Variants in LPCAT2 observed in about 807,000 individuals in gnomAD.
The protein encoded by LPCAT2 is 1-AGP acyltransferase 11.
Under a neutral mutation model 64.7 loss-of-function variants are expected in LPCAT2, and 58 were observed. The observed-to-expected ratio is 0.90, with a 90% CI of 0.73 to 1.12. The LOEUF is 1.12. Among genes scored for constraint, LPCAT2 ranks in the 50% most tolerant of loss-of-function variants. The pLI, the probability that LPCAT2 is intolerant of heterozygous loss-of-function variation, is 0.00. For synonymous variants in LPCAT2, 252 were observed against 245.3 expected (o/e 1.03, Z -0.26); for missense variants, 579 against 669.8 (o/e 0.86, Z 1.50).
At chr16:55,553,225 G>C (rs1247814673) in intron 11 of LPCAT2, among the ~76,000 whole-genome samples, 1 of 150,952 alleles carries the variant, frequency 6.6e-6, no homozygotes, top group Admixed American at 6.6e-5. Flanking sequence ...CAACAAGAGC[G>C]AAACTCCATC....
chr16:55,522,901 A>G (rs1360751605), intron 1 of LPCAT2, among the ~76,000 whole-genome samples: 6 of 151,714 alleles, frequency 4.0e-5, no homozygotes, highest in African/African-American at 1.4e-4. Context: ...CTTGAGGTAA[A>G]GATTTTTTCA....
At position 55,534,441 on chromosome 16, in the gene LPCAT2, A is replaced by G; in HGVS notation, c.763-2A>G. On this transcript the variant is annotated splice_acceptor_variant, in intron 6 of 13. Coordinates refer to ENST00000262134, the MANE Select transcript of LPCAT2 (RefSeq NM_017839.5). LOFTEE classifies it high-confidence loss of function. The stretch of plus-strand genomic sequence containing the variant: ...ACAGCTAAAATAATTTTGTTATTAT[A>G]GGATACTGTGACCTGGACATGGCAA... 6.5e-7 allele frequency: 1 copy of G among 1,528,106 alleles called. No homozygotes were observed. Among genetic ancestry groups the G allele is most frequent in the East Asian group, 2.3e-5 (1 of 43,152 alleles). 94.7% of individuals were successfully genotyped at this position (1,528,106 alleles called of 1,614,324 possible).
chr16:55,528,772 G>T, intron 3 of LPCAT2, among the ~76,000 whole-genome samples, 178 bp downstream of exon 3: 1 of 152,164 alleles, frequency 6.6e-6, no homozygotes, highest in South Asian at 2.1e-4. Flanking sequence ...AAAAAGATTA[G>T]AGACTTCCCT....
chr16:55,542,014 G>A (rs1963404144), intron 8 of LPCAT2: 1 of 1,121,516 alleles, frequency 8.9e-7, no homozygotes, highest in Admixed American at 3.2e-5. Context: ...ATAAAAGATT[G>A]ATTATAGTGT....
rs1596859026 is a variant in LPCAT2, at chr16:55,531,861, G to T, written c.643-53G>T. The T allele has an allele frequency of 1.9e-5, 22 of 1,135,282 alleles. No homozygotes were observed. In the East Asian group the frequency reaches 4.9e-4, roughly 26 times the overall value. The allele number at this position is 1,135,282 out of a possible 1,614,324, so 70.3% of individuals were successfully genotyped here. A position where few individuals can be genotyped will look rare whatever the true frequency, so the allele number is the denominator to read the frequency against. On this transcript the variant is annotated intron_variant, in intron 4 of 13. Transcript: ENST00000262134. ...GTGAAGTCATAAGAAAGCGAGTAAA[G>T]AGGTAATTTATTAATTAGATTGAAA...
At chr16:55,531,811 G>T in intron 4 of LPCAT2, 103 bp from the exon 5 acceptor site, 2 of 729,592 alleles carry the variant, frequency 2.7e-6, no homozygotes, top group Admixed American at 2.3e-5. Context: ...TTTTGTTTTT[G>T]TTTTTTAAGC....
intron 8 of LPCAT2, among the ~76,000 whole-genome samples, chr16:55,543,253 A>G (rs1302153706): frequency 6.6e-6 from 1 of 152,190 alleles, no homozygotes; most frequent in African/African-American, 2.4e-5. Context: ...ATTCCTTAAG[A>G]ATAAGATGTC....
chr16:55,551,124 C>A, intron 11 of LPCAT2, 22 bp downstream of exon 11: 1 of 1,594,640 alleles, frequency 6.3e-7, no homozygotes, highest in Non-Finnish European at 8.6e-7. Flanking sequence ...TTTAATCTTT[C>A]ACATTTTTAC....
At chr16:55,534,983 A>G (rs139367011) in intron 7 of LPCAT2, among the ~76,000 whole-genome samples, 12 of 152,322 alleles carry the variant, frequency 7.9e-5, no homozygotes, top group Non-Finnish European at 1.8e-4. Context: ...AGCAGTTTCT[A>G]TAAGCACTTT....
intron 11 of LPCAT2, among the ~76,000 whole-genome samples, chr16:55,557,703 C>T (rs1963592977): frequency 6.6e-6 from 1 of 152,038 alleles, no homozygotes; most frequent in South Asian, 2.1e-4. Flanking sequence ...CTTATCTTTC[C>T]TCAAGTCTAG....
chr16:55,566,648 C>T, intron 11 of LPCAT2: 1 of 1,155,040 alleles, frequency 8.7e-7, no homozygotes, highest in Non-Finnish European at 1.2e-6. Context: ...GCAGTGTAAG[C>T]AGGTAAAGAA....
intron 11 of LPCAT2, chr16:55,567,119 T>A: frequency 1.9e-6 from 3 of 1,613,860 alleles, no homozygotes; most frequent in Non-Finnish European, 2.5e-6. Context: ...GTTTTAGTCT[T>A]GACACCTGCC....
intron 8 of LPCAT2, chr16:55,540,792 C>T: frequency 4.9e-6 from 1 of 202,864 alleles, no homozygotes; most frequent in South Asian, 1.1e-4. Flanking sequence ...CAAGAAATAC[C>T]AAACCCTATA....
Position 55,578,881 on chromosome 16 carries a change from T to C in LPCAT2, c.1315-228T>C, listed in dbSNP as rs112167757. The C allele has an allele frequency of 4.2e-3, 1,769 of 417,626 alleles. 33 individuals carry two copies. The highest frequency in any genetic ancestry group is 0.033 in the African/African-American group (1,621 of 48,934). The allele number at this position is 417,626 out of a possible 1,614,324, so 25.9% of individuals were successfully genotyped here. ...CATTATGTTCCCCATGGAGATCCCC[T>C]GTCCCTTTGTACTATGGACCATTGG... On this transcript the variant is annotated intron_variant, in intron 12 of 13. Coordinates refer to ENST00000262134, the MANE Select transcript of LPCAT2 (RefSeq NM_017839.5).
chr16:55,533,406 GTTTTTTTTTTTTT>G (rs11335464), intron 6 of LPCAT2, among the ~76,000 whole-genome samples: 1 of 96,444 alleles, frequency 1.0e-5, no homozygotes, highest in African/African-American at 4.1e-5. Flanking sequence ...TGTTTTTCGG[GTTTTTTTTTTTTT>G]TTTTTTTTTG....
Position 55,557,672 on chromosome 16 carries a change from C to T in LPCAT2, c.1215+6570C>T, listed in dbSNP as rs535812421. ...TTCCCTTCCCACTTTATCCTCCTTTCCCCCTTTCTTCTTTTCTTTTCTTAT... is the reference window on the plus strand; with the variant it reads ...TTCCCTTCCCACTTTATCCTCCTTTTCCCCTTTCTTCTTTTCTTTTCTTAT... On this transcript the variant is annotated intron_variant, in intron 11 of 13. Transcript: ENST00000262134. 3.3e-5 allele frequency among the ~76,000 whole-genome samples: 5 copies of T among 152,250 alleles called. No individual in the cohort carries two copies. The South Asian group carries it at 8.3e-4, about 25-fold the overall frequency.
chr16:55,534,359 T>C, intron 6 of LPCAT2, 84 bp from the exon 7 acceptor site: 2 of 811,730 alleles, frequency 2.5e-6, no homozygotes, highest in Non-Finnish European at 2.1e-6. Context: ...AAAAAATACA[T>C]GAATCCCCAT....
At chr16:55,576,749 A>G (rs1963832042) in intron 12 of LPCAT2, among the ~76,000 whole-genome samples, 1 of 152,188 alleles carries the variant, frequency 6.6e-6, no homozygotes. Context: ...TGAGGTGTTA[A>G]ACTTTCTACC....
chr16:55,526,926 A>C (rs1203195014), intron 2 of LPCAT2, among the ~76,000 whole-genome samples: 13 of 152,180 alleles, frequency 8.5e-5, no homozygotes, highest in African/African-American at 3.1e-4. Flanking sequence ...TAAACATGTT[A>C]AATAAGAGTG....
Sources: gnomAD v4.1 joint callset for allele counts (sites outside exome capture counted in the v4.1 genomes callset) on GRCh38, gnomAD v4.1.1 for gene constraint, MANE v1.5 for transcripts, NCBI Gene and HGNC (gene_info 2026-07-23, HGNC 2026-07-21) for gene names.